PLXNC1: variants seen among roughly 807,000 people sequenced by gnomAD.
PLXNC1 encodes plexin C1, also known as plexin-C1.
PLXNC1 carries 75 observed loss-of-function variants against 178.2 expected under a neutral mutation model. The ratio of observed to expected loss-of-function variants is 0.42; its 90% CI spans 0.35 to 0.51. PLXNC1 has a LOEUF of 0.51. Among genes scored for constraint, PLXNC1 ranks in the 20% least tolerant of loss-of-function variants. PLXNC1 has a pLI of 0.02. For synonymous variants in PLXNC1, 790 were observed against 779.9 expected, an observed-to-expected ratio of 1.01 and a Z score of -0.22; for missense variants, 1,503 against 1,984.4, an observed-to-expected ratio of 0.76 and a Z score of 4.61.
At chr12:94,243,908 A>C (rs1210326549) in intron 11 of PLXNC1, 30 bp from the exon 12 acceptor site, 1 of 1,177,408 alleles carries the variant, frequency 8.5e-7, no homozygotes, top group Non-Finnish European at 1.2e-6. Context: ...TTAGCTATGA[A>C]ACCCTTATTG....
chr12:94,194,746 C>A (rs971226968), intron 4 of PLXNC1, among the ~76,000 whole-genome samples: 1 of 149,894 alleles, frequency 6.7e-6, no homozygotes, highest in African/African-American at 2.5e-5. Context: ...AGAACGAGAC[C>A]TTGTCTCAAT....
intron 15 of PLXNC1, 143 bp from the exon 16 acceptor site, chr12:94,254,644 C>G (rs1230264602): frequency 1.4e-6 from 1 of 719,142 alleles, no homozygotes; most frequent in Non-Finnish European, 2.5e-6. Context: ...ATGCTATTTT[C>G]TAGTTTCATT....
intron 17 of PLXNC1, among the ~76,000 whole-genome samples, chr12:94,259,083 C>T (rs1194626075): frequency 6.6e-6 from 1 of 152,218 alleles, no homozygotes; most frequent in Non-Finnish European, 1.5e-5. Context: ...ATGATACCTT[C>T]ATCTACCAAA....
rs149912764 is a variant in PLXNC1, at chr12:94,240,629, T to C, written c.2265T>C (p.His755=). 2.5e-6 allele frequency: 4 copies of C among 1,613,722 alleles called. No individual in the cohort carries two copies. In the African/African-American group the frequency reaches 4.0e-5, roughly 16 times the overall value. Residue 755 remains histidine, a synonymous_variant, in exon 11 of 31, where the codon CAT becomes CAC. Transcript: ENST00000258526. ...VGSLSYIALP[H]CSLIFPATTW... ...CCTTATCCTACATTGCTCTGCCACA[T>C]TGTTCCCTTATATTTCCTGCTACCA...
At chr12:94,169,371 T>C in intron 2 of PLXNC1, 78 bp downstream of exon 2, 2 of 1,253,904 alleles carry the variant, frequency 1.6e-6, no homozygotes, top group Admixed American at 1.8e-5. Flanking sequence ...TTTTTAATGC[T>C]TCTGGGTTAT....
chr12:94,160,986 C>A (rs766543614), intron 1 of PLXNC1, among the ~76,000 whole-genome samples: 2 of 152,166 alleles, frequency 1.3e-5, no homozygotes, highest in Non-Finnish European at 1.5e-5. Flanking sequence ...TATCTGATTT[C>A]TTTTGGTGAC....
intron 23 of PLXNC1, among the ~76,000 whole-genome samples, chr12:94,292,522 T>C (rs1167753620): frequency 6.6e-6 from 1 of 152,172 alleles, no homozygotes; most frequent in Non-Finnish European, 1.5e-5. Flanking sequence ...TTTGAAAAAA[T>C]GTCACAGGTT....
chr12:94,304,160 G>C (rs1968768065), intron 30 of PLXNC1, 109 bp downstream of exon 30: 1 of 677,708 alleles, frequency 1.5e-6, no homozygotes, highest in Middle Eastern at 4.2e-4. Flanking sequence ...GGCCAGAAAG[G>C]GAAGCCAGGA....
intron 14 of PLXNC1, among the ~76,000 whole-genome samples, chr12:94,248,818 G>C (rs1208860120): frequency 6.6e-6 from 1 of 152,188 alleles, no homozygotes; most frequent in African/African-American, 2.4e-5. Flanking sequence ...ACTCTGGGTA[G>C]CATTAGAATC....
At position 94,202,380 on chromosome 12, in the gene PLXNC1, T is replaced by C. The variant is rs190727714; in HGVS notation, c.1440-7210T>C. Among the ~76,000 whole-genome samples, 424 of 152,304 alleles carry C rather than the reference T, an allele frequency of 2.8e-3. 2 individuals are homozygous for C. Among genetic ancestry groups the C allele is most frequent in the African/African-American group, 9.8e-3 (406 of 41,564 alleles). ...TTTGTAGAATGAATGCCAGGTATGG[T>C]CTTAGGCCCTGAGGGTGCAAAGGTG... On this transcript the variant is annotated intron_variant, in intron 4 of 30. Transcript: ENST00000258526.
chr12:94,149,649 C>G lies in PLXNC1; in HGVS notation c.678C>G (p.Cys226Trp). ...AGGAGCTGGGGCGCCTCAAGCTGTG[C>G]GAGGGCGCGGGCAGCCTGCACTTCG... ...ATQELGRLKL[C>W]EGAGSLHFVD... The change falls in exon 1 of 31, where the codon TGC becomes TGG. Residue 226 changes from cysteine to tryptophan, a missense_variant. By Grantham distance (215) the Cys-to-Trp change is radical (BLOSUM62 -2). Coordinates refer to ENST00000258526, the MANE Select transcript of PLXNC1 (RefSeq NM_005761.3). 6.2e-7 allele frequency: 1 copy of G among 1,602,790 alleles called. No homozygotes were observed. Among genetic ancestry groups the G allele is most frequent in the Non-Finnish European group, 8.5e-7 (1 of 1,175,140 alleles).
intron 21 of PLXNC1, chr12:94,277,121 G>T (rs1316648030): frequency 6.6e-6 from 1 of 152,182 alleles, no homozygotes; most frequent in African/African-American, 2.4e-5. Flanking sequence ...AGTTCTGGAG[G>T]ATGAGAAGTC....
At chr12:94,238,197 C>T (rs181508030) in intron 10 of PLXNC1, among the ~76,000 whole-genome samples, 15 of 152,266 alleles carry the variant, frequency 9.9e-5, no homozygotes, top group African/African-American at 3.6e-4. Flanking sequence ...GCAGCTCTTC[C>T]AGTGTGCCAC....
chr12:94,189,030 T>C (rs906747857), intron 4 of PLXNC1, among the ~76,000 whole-genome samples: 4 of 152,234 alleles, frequency 2.6e-5, no homozygotes, highest in African/African-American at 4.8e-5. Context: ...TAGGGAAATA[T>C]CGAGCGGTTG....
chr12:94,246,113 C>G (rs954223378), intron 12 of PLXNC1, among the ~76,000 whole-genome samples: 3 of 152,200 alleles, frequency 2.0e-5, no homozygotes, highest in Admixed American at 6.5e-5. Flanking sequence ...GAGTGTCCAA[C>G]CCCCAGCAGG....
At chr12:94,273,008 C>T (rs746885414) in intron 21 of PLXNC1, among the ~76,000 whole-genome samples, 1 of 152,124 alleles carries the variant, frequency 6.6e-6, no homozygotes, top group African/African-American at 2.4e-5. Context: ...AGAGTCAGGA[C>T]ACGTCCTAGT....
chr12:94,287,512 A>T (rs1361097090), intron 23 of PLXNC1, among the ~76,000 whole-genome samples: 1 of 152,172 alleles, frequency 6.6e-6, no homozygotes, highest in Non-Finnish European at 1.5e-5. Context: ...AGTAGTGGCG[A>T]GTGTGCAGGA....
chr12:94,288,998 T>G, intron 23 of PLXNC1, among the ~76,000 whole-genome samples: 1 of 152,216 alleles, frequency 6.6e-6, no homozygotes, highest in Non-Finnish European at 1.5e-5. Flanking sequence ...ATGCCAGCAT[T>G]TCTCTTAGGT....
rs1042381126 is a variant in PLXNC1 at position 94,294,141 on chromosome 12, G to T, written c.3880-345G>T. Among the ~76,000 whole-genome samples, 5 of 152,128 alleles carry T rather than the reference G, an allele frequency of 3.3e-5. No homozygotes were observed. In the East Asian group the frequency reaches 7.7e-4, roughly 23 times the overall value. Reference sequence around the variant, plus strand: ...GGTCTTGCCTGACCTCTGCGAATTGGGGGGAATGTCCTAACACAGCTCAGT... The same window carrying T: ...GGTCTTGCCTGACCTCTGCGAATTGTGGGGAATGTCCTAACACAGCTCAGT... On this transcript the variant is annotated intron_variant, in intron 23 of 30. Transcript: ENST00000258526.
Sources: gnomAD v4.1 joint callset for allele counts (sites outside exome capture counted in the v4.1 genomes callset) on GRCh38, gnomAD v4.1.1 for gene constraint, MANE v1.5 for transcripts, NCBI Gene and HGNC (gene_info 2026-07-23, HGNC 2026-07-21) for gene names.